Variants in SLAIN2 observed in about 807,000 individuals in gnomAD.
The protein encoded by SLAIN2 is SLAIN family member 2.
SLAIN2 carries 31 observed loss-of-function variants against 56.6 expected under a neutral mutation model. That is an observed-to-expected ratio of 0.55 (90% confidence interval 0.41 to 0.74). The LOEUF (loss-of-function observed/expected upper bound fraction) is 0.74, where lower values mean the gene tolerates loss of function less well. SLAIN2 is among the 30% of genes least tolerant of loss of function. The probability of loss-of-function intolerance (pLI) is 0.00; values close to 1 mark genes in which losing one functional copy is unlikely to be tolerated. For missense variants in SLAIN2, 777 were observed against 754.2 expected, an observed-to-expected ratio of 1.03 and a Z score of -0.35; for synonymous variants, 317 against 284.9, an observed-to-expected ratio of 1.11 and a Z score of -1.13.
chr4:48,405,222 G>T (rs1451022979), intron 6 of SLAIN2, among the ~76,000 whole-genome samples: 1 of 152,124 alleles, frequency 6.6e-6, no homozygotes, highest in African/African-American at 2.4e-5. Context: ...TGGCACCTCT[G>T]ACATCGTCCA....
Position 48,379,705 on chromosome 4 carries a change from C to A in SLAIN2, c.719C>A (p.Ser240Ter). The A allele has an allele frequency of 7.0e-7, 1 of 1,434,494 alleles. No homozygotes were observed. The highest frequency in any genetic ancestry group is 9.2e-7 in the Non-Finnish European group (1 of 1,090,798). 88.9% of individuals were successfully genotyped at this position (1,434,494 alleles called of 1,614,324 possible). A position where few individuals can be genotyped will look rare whatever the true frequency, so the allele number is the denominator to read the frequency against. ...TTTTTTTAAGGTAACTTGAAAAGCT[C>A]AGACAGAAATCCTCCACTCAGTCCT... ...LPGNSGNLKSSDRNPPLSPQS... is the reference protein window; with the variant it reads ...LPGNSGNLKS Residue 240 changes from serine (S) to a stop codon, truncating the protein, a stop_gained, in exon 4 of 8, where the codon TCA becomes TAA. Transcript: ENST00000264313. LOFTEE classifies it high-confidence loss of function.
At chr4:48,355,638 A>G (rs943884775) in intron 1 of SLAIN2, among the ~76,000 whole-genome samples, 3 of 152,138 alleles carry the variant, frequency 2.0e-5, no homozygotes, top group African/African-American at 7.2e-5. Context: ...AGTTGTATAA[A>G]CAGAATACAG....
intron 1 of SLAIN2, among the ~76,000 whole-genome samples, chr4:48,365,814 C>T (rs548384079): frequency 5.3e-5 from 8 of 152,300 alleles, no homozygotes; most frequent in African/African-American, 9.6e-5. Flanking sequence ...CCACCAGCCT[C>T]GGCCTCCCAA....
intron 1 of SLAIN2, among the ~76,000 whole-genome samples, chr4:48,367,499 C>T (rs912011547): frequency 1.3e-5 from 2 of 152,002 alleles, no homozygotes; most frequent in African/African-American, 4.8e-5. Context: ...AAGGTAGGCT[C>T]AGCAAGTCTT....
chr4:48,406,529 T>C (rs866676760), intron 6 of SLAIN2, among the ~76,000 whole-genome samples: 534 of 36,160 alleles, frequency 0.015, 2 homozygotes, highest in African/African-American at 0.028. Context: ...CTCTCTCTTT[T>C]TTTTTTTTTT....
intron 6 of SLAIN2, among the ~76,000 whole-genome samples, chr4:48,386,090 G>GAAA (rs763740224): frequency 7.8e-5 from 6 of 76,840 alleles, no homozygotes; most frequent in Admixed American, 4.0e-4. Context: ...TCTATTGAAA[G>GAAA]AAAAAAAAAA....
intron 6 of SLAIN2, among the ~76,000 whole-genome samples, chr4:48,401,822 C>T (rs1169773138): frequency 6.6e-6 from 1 of 152,050 alleles, no homozygotes; most frequent in Non-Finnish European, 1.5e-5. Flanking sequence ...GATGTTAGCT[C>T]GTTATTTTGC....
At chr4:48,416,753 A>G (rs959588101) in intron 6 of SLAIN2, among the ~76,000 whole-genome samples, 4 of 147,930 alleles carry the variant, frequency 2.7e-5, no homozygotes, top group African/African-American at 1.0e-4. Flanking sequence ...CTGAATGACT[A>G]CTGGGTACAT....
chr4:48,351,861 T>C (rs574524674), intron 1 of SLAIN2, among the ~76,000 whole-genome samples: 58 of 152,364 alleles, frequency 3.8e-4, no homozygotes, highest in African/African-American at 1.3e-3. Flanking sequence ...AAGGTGTATA[T>C]GGGCTTAAAA....
chr4:48,394,905 A>G (rs1286104783), intron 6 of SLAIN2, among the ~76,000 whole-genome samples: 2 of 152,236 alleles, frequency 1.3e-5, no homozygotes, highest in Non-Finnish European at 2.9e-5. Context: ...TTACCCACTT[A>G]AAATGAAAGG....
chr4:48,393,563 C>CT (rs1240256780), intron 6 of SLAIN2, among the ~76,000 whole-genome samples: 2 of 152,148 alleles, frequency 1.3e-5, no homozygotes, highest in African/African-American at 4.8e-5. Context: ...AATCTTAATT[C>CT]TTTCTGATAA....
intron 6 of SLAIN2, among the ~76,000 whole-genome samples, chr4:48,409,287 A>G (rs958324111): frequency 6.6e-6 from 1 of 150,700 alleles, no homozygotes; most frequent in African/African-American, 2.4e-5. Context: ...GTCTTTCTCT[A>G]TTTTTTTTTG....
intron 3 of SLAIN2, among the ~76,000 whole-genome samples, chr4:48,379,415 G>A (rs1229255753): frequency 6.6e-6 from 1 of 151,978 alleles, no homozygotes; most frequent in Non-Finnish European, 1.5e-5. Context: ...CCAATTACTT[G>A]CCAGGCACTG....
In SLAIN2 at chr4:48,343,747, G is replaced by A. The variant is rs576493055; in HGVS notation, c.389+1619G>A. 3.9e-5 allele frequency among the ~76,000 whole-genome samples: 6 copies of A among 152,300 alleles called. 1 individual carries two copies. Among genetic ancestry groups the A allele is most frequent in the African/African-American group, 1.4e-4 (6 of 41,558 alleles). ...CAGAGGTATTTGTAACTCTCAGGAA[G>A]ATTTGAGTAACAGAATTACTCTTGA... is the stretch of plus-strand genomic sequence containing the variant. On this transcript the variant is annotated intron_variant, in intron 1 of 7. Coordinates refer to ENST00000264313, the MANE Select transcript of SLAIN2 (RefSeq NM_020846.2).
intron 6 of SLAIN2, among the ~76,000 whole-genome samples, chr4:48,402,450 A>G (rs1266026448): frequency 1.3e-5 from 2 of 152,048 alleles, no homozygotes; most frequent in Non-Finnish European, 2.9e-5. Context: ...ACATAATCCC[A>G]CATTTGTTCA....
rs772854765 is a variant in SLAIN2 at position 48,383,657 on chromosome 4, A to G, written c.1233A>G (p.Arg411=). Residue 411 remains arginine (R), a synonymous_variant, in exon 6 of 8, where the codon AGA becomes AGG. Transcript: ENST00000264313. The stretch of plus-strand genomic sequence containing the variant: ...AAAATTCTGTTGCAGAAAAACTAAG[A>G]CGCAGTCTTCCAAACCTGTCCCGAA... ...TSNVKNEEKL[R]RSLPNLSRTS... The G allele has an allele frequency of 6.4e-7, 1 of 1,571,986 alleles. No homozygotes were observed. The highest frequency in any genetic ancestry group is 2.3e-5 in the East Asian group (1 of 44,200).
intron 1 of SLAIN2, among the ~76,000 whole-genome samples, chr4:48,353,120 C>G (rs1219998088): frequency 1.3e-5 from 2 of 152,036 alleles, no homozygotes; most frequent in Non-Finnish European, 2.9e-5. Flanking sequence ...TGTAAATTGC[C>G]CAGTCTCAGG....
At chr4:48,393,054 C>A (rs2109770910) in intron 6 of SLAIN2, among the ~76,000 whole-genome samples, 1 of 151,628 alleles carries the variant, frequency 6.6e-6, no homozygotes, top group South Asian at 2.1e-4. Flanking sequence ...CTGATAGTAA[C>A]CTGTATTTTT....
intron 6 of SLAIN2, among the ~76,000 whole-genome samples, chr4:48,411,731 G>A (rs1716853799): frequency 6.6e-6 from 1 of 152,034 alleles, no homozygotes; most frequent in African/African-American, 2.4e-5. Context: ...CTCACTATTG[G>A]AGTATGCAGA....
Sources: allele counts gnomAD v4.1 joint callset (sites outside exome capture counted in the v4.1 genomes callset), GRCh38; gene constraint gnomAD v4.1.1; transcripts MANE v1.5; gene names NCBI Gene and HGNC (gene_info 2026-07-23, HGNC 2026-07-21).